Variants in MLXIPL observed in about 807,000 individuals in gnomAD.
The protein encoded by MLXIPL is MLX interacting protein like, also known as carbohydrate-responsive element-binding protein.
Under a neutral mutation model 81.5 loss-of-function variants are expected in MLXIPL, and 49 were observed. The observed-to-expected ratio is 0.60, with a 90% CI of 0.48 to 0.76. The LOEUF is 0.76. Ranked by LOEUF, MLXIPL falls within the 30% of genes least tolerant of loss-of-function variation. The pLI is 0.00. For missense variants in MLXIPL, 1,053 were observed against 1,167.0 expected (o/e 0.90, Z 1.42); for synonymous variants, 466 against 485.5 (o/e 0.96, Z 0.53).
chr7:73,605,666 C>G (rs186101760), intron 7 of MLXIPL, 22 bp downstream of exon 7: 3 of 1,612,704 alleles, frequency 1.9e-6, no homozygotes, highest in Non-Finnish European at 2.5e-6. Context: ...GTCCACCCGA[C>G]CTGGGGAGGG....
intron 7 of MLXIPL, among the ~76,000 whole-genome samples, chr7:73,603,406 C>T (rs1305474798): frequency 5.9e-5 from 9 of 152,224 alleles, no homozygotes; most frequent in African/African-American, 1.7e-4. Context: ...TGTGGCCGGG[C>T]GCTGTGTGCC....
rs1275229506 is a variant in MLXIPL at position 73,602,509 on chromosome 7, A to G, written c.902-2814T>C. ...AATGAGGGGAAACCCCGTTTCTACTAAAAAAAAAAAAAATACAAAAATTAG... is the reference window on the plus strand; with the variant it reads ...AATGAGGGGAAACCCCGTTTCTACTGAAAAAAAAAAAAATACAAAAATTAG... On this transcript the variant is annotated intron_variant, in intron 7 of 16. Transcript: ENST00000313375. 4.6e-5 allele frequency among the ~76,000 whole-genome samples: 5 copies of G among 108,082 alleles called. No individual in the cohort carries two copies. In the East Asian group the frequency reaches 6.2e-4, roughly 13 times the overall value. The allele number at this position is 108,082 out of a possible 152,430, so 70.9% of individuals were successfully genotyped here.
intron 7 of MLXIPL, among the ~76,000 whole-genome samples, chr7:73,600,079 G>A (rs1390570623): frequency 4.0e-5 from 6 of 151,860 alleles, no homozygotes; most frequent in African/African-American, 1.5e-4. Context: ...CGAGTGCCAG[G>A]GTGGAAAAGG....
chr7:73,641,475 G>A, the MLXIPL span, among the ~76,000 whole-genome samples: 3 of 152,138 alleles, frequency 2.0e-5, no homozygotes, highest in East Asian at 5.8e-4. Flanking sequence ...GGTGAACCTG[G>A]AGGTGGTGTT....
Position 73,593,597 on chromosome 7 carries a change from C to T in MLXIPL, c.*268G>A. On this transcript the variant is annotated 3_prime_UTR_variant, in exon 17 of 17. Transcript: ENST00000313375. ...TTGAACCTTCCCCATCCCCATTTTG[C>T]AGATTGAAACACAGCGGTCCAAAGA... 2.3e-6 allele frequency: 1 copy of T among 435,698 alleles called. No homozygotes were observed. The highest frequency in any genetic ancestry group is 2.2e-5 in the South Asian group (1 of 46,338). The allele number at this position is 435,698 out of a possible 1,614,324, so 27.0% of individuals were successfully genotyped here. A position where few individuals can be genotyped will look rare whatever the true frequency, so the allele number is the denominator to read the frequency against.
chr7:73,624,467 G>T lies in MLXIPL; in HGVS notation c.26C>A (p.Ala9Asp). Residue 9 changes from alanine (A) to aspartate (D), a missense_variant, in exon 1 of 17, where the codon GCC becomes GAC. Physicochemically the swap from Ala to Asp is moderately radical, Grantham distance 126. Coordinates refer to ENST00000313375, the MANE Select transcript of MLXIPL (RefSeq NM_032951.3). Reference sequence around the variant, plus strand: ...GACCCGCGGGACCTGCAAGCCCGCGGCCAGACCTGCCAGCGCGCCGGCCAT... The same window carrying T: ...GACCCGCGGGACCTGCAAGCCCGCGTCCAGACCTGCCAGCGCGCCGGCCAT... MAGALAGL[A>D]AGLQVPRVAP... The T allele has an allele frequency of 1.3e-6, 2 of 1,536,014 alleles. No homozygotes were observed. The highest frequency in any genetic ancestry group is 1.7e-6 in the Non-Finnish European group (2 of 1,148,592).
intron 5 of MLXIPL, chr7:73,606,769 C>G (rs1554598279): frequency 4.9e-6 from 3 of 609,084 alleles, no homozygotes; most frequent in Non-Finnish European, 5.9e-6. Flanking sequence ...TGCTCAATGA[C>G]CTGGGGTCTT....
chr7:73,630,094 T>A, the MLXIPL span, among the ~76,000 whole-genome samples: 1 of 151,640 alleles, frequency 6.6e-6, no homozygotes, highest in South Asian at 2.1e-4. Flanking sequence ...GCCTCTTGGG[T>A]TCACGCCATT....
At chr7:73,624,037 G>A (rs1796553689) in intron 1 of MLXIPL, among the ~76,000 whole-genome samples, 163 bp downstream of exon 1, 1 of 152,018 alleles carries the variant, frequency 6.6e-6, no homozygotes, top group South Asian at 2.1e-4. Flanking sequence ...GAGGACCTCG[G>A]GGCTGGGAGA....
the MLXIPL span, among the ~76,000 whole-genome samples, chr7:73,634,687 G>A: frequency 2.0e-5 from 3 of 151,922 alleles, no homozygotes; most frequent in Non-Finnish European, 2.9e-5. Flanking sequence ...GAGCCACTGT[G>A]CCTGGCCAAT....
rs370239468 is a variant in MLXIPL at position 73,624,142 on chromosome 7, A to ACCC, written c.293+55_293+57dup. On this transcript the variant is annotated intron_variant, in intron 1 of 16. Coordinates refer to ENST00000313375, the MANE Select transcript of MLXIPL (RefSeq NM_032951.3). ...GCCCCAGCGCGCAGTCCTGCCCCGGACCCCCCCCCCATCCCCACCTGGAAG... is the reference window on the plus strand; with the variant it reads ...GCCCCAGCGCGCAGTCCTGCCCCGGACCCCCCCCCCCCCATCCCCACCTGGAAG... 5 of 806,986 alleles carry ACCC rather than the reference A, an allele frequency of 6.2e-6. No homozygotes were observed. The African/African-American group carries it at 1.2e-4, about 19-fold the overall frequency. 50.0% of individuals were successfully genotyped at this position (806,986 alleles called of 1,614,324 possible).
chr7:73,626,370 A>T (rs893867890), upstream of MLXIPL, among the ~76,000 whole-genome samples: 3 of 152,052 alleles, frequency 2.0e-5, no homozygotes, highest in East Asian at 5.8e-4. Context: ...AGGCACGGTC[A>T]TAGCTCACTG....
At position 73,623,350 on chromosome 7, in the gene MLXIPL, C is replaced by T. The variant is rs1339276673; in HGVS notation, c.293+850G>A. Among the ~76,000 whole-genome samples, 1 of 152,246 alleles carries T rather than the reference C, an allele frequency of 6.6e-6. No homozygotes were observed. The highest frequency in any genetic ancestry group is 2.4e-5 in the African/African-American group (1 of 41,462). ...TTTTCGGTTGATAATTTATACTGGC[C>T]CCTCAACTCCGGGGAACTTTGCTCC... On this transcript the variant is annotated intron_variant, in intron 1 of 16. Coordinates refer to ENST00000313375, the MANE Select transcript of MLXIPL (RefSeq NM_032951.3). The surrounding 1 kb of genome is among the most constrained non-coding windows in gnomAD (Gnocchi z 5.7).
the MLXIPL span, among the ~76,000 whole-genome samples, chr7:73,631,390 T>G: frequency 6.6e-6 from 1 of 151,994 alleles, no homozygotes; most frequent in South Asian, 2.1e-4. Flanking sequence ...TGAATCTCAC[T>G]GATTATGTAT....
rs138383808 is a variant in MLXIPL at position 73,594,350 on chromosome 7, C to G, written c.2364G>C (p.Thr788=). ...LFESFNGMVS[T]ASVHTLRQTS... is the part of the protein sequence containing the mutation. ...TCTGGCGGAGGGTGTGCACACTTGC[C>G]GTGGACACCATCCCGTTGAAGGACT... The change falls in exon 16 of 17, where the codon ACG becomes ACC. Residue 788 remains threonine (T), a synonymous_variant. Transcript: ENST00000313375. The G allele has an allele frequency of 1.2e-6, 2 of 1,609,690 alleles. No individual in the cohort carries two copies. Among genetic ancestry groups the G allele is most frequent in the Non-Finnish European group, 1.7e-6 (2 of 1,179,968 alleles).
In MLXIPL at chr7:73,593,923, C is replaced by A. The variant is rs782092916; in HGVS notation, c.2501G>T (p.Arg834Leu). The change falls in exon 17 of 17, where the codon CGC (arginine) becomes CTC (leucine). Residue 834 changes from arginine to leucine, a missense_variant. Arg to Leu is a moderately radical substitution (Grantham distance 102). Transcript: ENST00000313375. ...TGCCCGTGTGGCTTGCTCAGGGATG[C>A]GGCCCGGGTCGGTCAGGATACTGGT... Reference protein sequence around the residue: ...TSTSILTDPGRIPEQATRAVT... With the variant: ...TSTSILTDPGLIPEQATRAVT... 8 of 1,613,962 alleles carry A rather than the reference C, an allele frequency of 5.0e-6. No individual in the cohort carries two copies. Among genetic ancestry groups the A allele is most frequent in the Admixed American group, 3.3e-5 (2 of 59,982 alleles).
At chr7:73,619,011 G>A (rs1285264917) in intron 1 of MLXIPL, among the ~76,000 whole-genome samples, 1 of 152,212 alleles carries the variant, frequency 6.6e-6, no homozygotes, top group Non-Finnish European at 1.5e-5. Context: ...TGGAGGAAGA[G>A]CGTAACGCTA....
the MLXIPL span, among the ~76,000 whole-genome samples, chr7:73,647,755 CG>C: frequency 6.6e-6 from 1 of 151,918 alleles, no homozygotes; most frequent in Non-Finnish European, 1.5e-5. Flanking sequence ...CCTGATGACG[CG>C]GGGGCTCCAC....
chr7:73,639,001 A>G, the MLXIPL span, among the ~76,000 whole-genome samples: 4 of 151,258 alleles, frequency 2.6e-5, no homozygotes, highest in South Asian at 4.2e-4. Flanking sequence ...TAGAGAGGAG[A>G]AAAAAAAATA....
Sources: allele counts gnomAD v4.1 joint callset (sites outside exome capture counted in the v4.1 genomes callset), GRCh38; gene constraint gnomAD v4.1.1; non-coding constraint Gnocchi (gnomAD v3.1); transcripts MANE v1.5; gene names NCBI Gene and HGNC (gene_info 2026-07-23, HGNC 2026-07-21).